The following DISP1 variants were observed in gnomAD, a reference collection of about 807,000 sequenced individuals.
DISP1 encodes protein dispatched homolog 1.
Under a neutral mutation model 37.3 loss-of-function variants are expected in DISP1, and 30 were observed. The ratio of observed to expected loss-of-function variants is 0.80; its 90% confidence interval spans 0.60 to 1.09. The LOEUF (loss-of-function observed/expected upper bound fraction) is 1.09, where lower values mean the gene tolerates loss of function less well. Ranked by LOEUF, DISP1 falls within the 50% of genes least tolerant of loss-of-function variation. The probability of loss-of-function intolerance (pLI) is 0.00; values close to 1 mark genes in which losing one functional copy is unlikely to be tolerated. For synonymous variants in DISP1, 634 were observed against 690.2 expected, an observed-to-expected ratio of 0.92 and a Z score of 1.28; for missense variants, 1,598 against 1,879.5, an observed-to-expected ratio of 0.85 and a Z score of 2.77.
chr1:222,939,462 T>G, intron 2 of DISP1, among the ~76,000 whole-genome samples: 1 of 150,154 alleles, frequency 6.7e-6, no homozygotes, highest in Non-Finnish European at 1.5e-5. Flanking sequence ...CAGGGTTCTT[T>G]GAAGGGAGTT....
At chr1:222,822,851 C>G (rs556548906) in intron 1 of DISP1, among the ~76,000 whole-genome samples, 4 of 152,170 alleles carry the variant, frequency 2.6e-5, no homozygotes, top group Non-Finnish European at 5.9e-5. Context: ...TTACTTTCTC[C>G]TTGGATAATG....
intron 1 of DISP1, among the ~76,000 whole-genome samples, chr1:222,902,214 G>C (rs1389812605): frequency 1.3e-5 from 2 of 151,982 alleles, no homozygotes; most frequent in African/African-American, 4.8e-5. Flanking sequence ...GAATGTGTTT[G>C]CTCTTGCTTT....
intron 1 of DISP1, among the ~76,000 whole-genome samples, chr1:222,895,609 A>G (rs1327682773): frequency 1.3e-5 from 2 of 152,212 alleles, no homozygotes; most frequent in Non-Finnish European, 2.9e-5. Flanking sequence ...AACATGATTG[A>G]TAAACAGATC....
At chr1:222,951,157 G>A (rs149959060) in intron 3 of DISP1, among the ~76,000 whole-genome samples, 6 of 152,256 alleles carry the variant, frequency 3.9e-5, no homozygotes, top group East Asian at 3.9e-4. Flanking sequence ...AGAGGGAACC[G>A]TAGAACCCTG....
At chr1:222,951,027 G>A (rs1675181969) in intron 3 of DISP1, among the ~76,000 whole-genome samples, 1 of 152,132 alleles carries the variant, frequency 6.6e-6, no homozygotes, top group Non-Finnish European at 1.5e-5. Flanking sequence ...ATATTTTTGG[G>A]TACCTGCCAA....
chr1:222,882,715 C>T (rs900023642), intron 1 of DISP1, among the ~76,000 whole-genome samples: 2 of 151,902 alleles, frequency 1.3e-5, no homozygotes, highest in African/African-American at 4.8e-5. Flanking sequence ...TTTGACAGAA[C>T]AAAGAAAGCA....
At chr1:222,922,393 T>A (rs1276092693) in intron 1 of DISP1, among the ~76,000 whole-genome samples, 1 of 152,002 alleles carries the variant, frequency 6.6e-6, no homozygotes, top group Non-Finnish European at 1.5e-5. Flanking sequence ...AAAGTTAATC[T>A]AAGAAAGTAG....
chr1:222,852,664 A>T (rs148332458), intron 1 of DISP1, among the ~76,000 whole-genome samples: 433 of 152,372 alleles, frequency 2.8e-3, no homozygotes, highest in South Asian at 8.9e-3. Context: ...TATTCCTTTG[A>T]AAATAGCACT....
chr1:222,820,820 A>G (rs1662678198), intron 1 of DISP1, among the ~76,000 whole-genome samples: 3 of 152,212 alleles, frequency 2.0e-5, no homozygotes, highest in South Asian at 4.1e-4. Flanking sequence ...ATAGTACTCA[A>G]GAAATTGTAG....
chr1:222,912,093 A>G (rs1323714104), intron 1 of DISP1, among the ~76,000 whole-genome samples: 2 of 152,222 alleles, frequency 1.3e-5, no homozygotes, highest in African/African-American at 2.4e-5. Flanking sequence ...TGGAATTCCC[A>G]GAAGTACCTT....
At chr1:222,989,284 C>A in intron 4 of DISP1, 1 of 776,110 alleles carries the variant, frequency 1.3e-6, no homozygotes, top group South Asian at 5.8e-5. Context: ...GCCAAATGAG[C>A]TAACATTACT....
rs1432705663 is a variant in DISP1 at position 222,893,106 on chromosome 1, C to A, written c.-158-35324C>A. Among the ~76,000 whole-genome samples the A allele has an allele frequency of 6.6e-6, 1 of 152,104 alleles. No individual in the cohort carries two copies. Among genetic ancestry groups the A allele is most frequent in the East Asian group, 1.9e-4 (1 of 5,200 alleles). ...TTAGATGTCTATATCAGGTATAGAT[C>A]ATTTTTATGTTACGAAAATATCGAT... On this transcript the variant is annotated intron_variant, in intron 1 of 8. Transcript: ENST00000675850. This position sits in a 1 kb window ranked among gnomAD's most constrained non-coding sequence, Gnocchi z 4.3.
chr1:222,900,814 G>A (rs950591878), intron 1 of DISP1, among the ~76,000 whole-genome samples: 1 of 152,208 alleles, frequency 6.6e-6, no homozygotes, highest in African/African-American at 2.4e-5. Context: ...TGAACAGAGT[G>A]ATGAGTGGGA....
chr1:222,936,988 ATAAT>A (rs1379078094), intron 2 of DISP1, among the ~76,000 whole-genome samples: 1 of 73,880 alleles, frequency 1.4e-5, no homozygotes, highest in East Asian at 2.6e-4. Flanking sequence ...TATAATATAT[ATAAT>A]ATTATATAAT....
chr1:222,999,378 C>T (rs1182224510), intron 8 of DISP1, among the ~76,000 whole-genome samples: 1 of 152,100 alleles, frequency 6.6e-6, no homozygotes, highest in East Asian at 1.9e-4. Flanking sequence ...AAAAATATGG[C>T]AAAAACATAT....
chr1:222,897,401 A>G (rs1466509958), intron 1 of DISP1, among the ~76,000 whole-genome samples: 4 of 152,190 alleles, frequency 2.6e-5, no homozygotes, highest in South Asian at 4.1e-4. Context: ...TTGTGGTTTC[A>G]TGGATGCATC....
intron 7 of DISP1, among the ~76,000 whole-genome samples, chr1:222,992,716 G>A (rs961187833): frequency 6.6e-6 from 1 of 152,118 alleles, no homozygotes; most frequent in Non-Finnish European, 1.5e-5. Context: ...AGCTAGGTGT[G>A]ACAGGAGAAG....
Position 222,990,606 on chromosome 1 carries a change from A to G in DISP1, c.540-19A>G. On this transcript the variant is annotated intron_variant, in intron 4 of 8. Transcript: ENST00000675850. ...TAGTTATGCAGCTCTGATAGCCGAC[A>G]CTTCTTTGTGTTTTGTAGTTATGCA... 6.2e-7 allele frequency: 1 copy of G among 1,613,788 alleles called. No individual in the cohort carries two copies. Among genetic ancestry groups the G allele is most frequent in the Non-Finnish European group, 8.5e-7 (1 of 1,179,826 alleles).
At chr1:222,900,499 G>A (rs1354853282) in intron 1 of DISP1, among the ~76,000 whole-genome samples, 17 of 152,026 alleles carry the variant, frequency 1.1e-4, no homozygotes, top group Admixed American at 1.1e-3. Context: ...CAGTGCTTCT[G>A]TTTTCTTTTT....
Sources: allele counts gnomAD v4.1 joint callset (sites outside exome capture counted in the v4.1 genomes callset), GRCh38; gene constraint gnomAD v4.1.1; non-coding constraint Gnocchi (gnomAD v3.1); transcripts MANE v1.5; gene names NCBI Gene and HGNC (gene_info 2026-07-23, HGNC 2026-07-21).